MLXIP: variants seen among roughly 807,000 people sequenced by gnomAD.
MLXIP encodes MLX interacting protein.
MLXIP carries 30 observed loss-of-function variants against 87.2 expected under a neutral mutation model. The ratio of observed to expected loss-of-function variants is 0.34; its 90% CI spans 0.26 to 0.47. MLXIP has a LOEUF of 0.47. MLXIP is among the 20% of genes least tolerant of loss of function. MLXIP has a pLI of 1.00. For missense variants in MLXIP, 1,002 were observed against 1,240.1 expected (o/e 0.81, Z 2.88); for synonymous variants, 530 against 514.0 (o/e 1.03, Z -0.42).
At chr12:122,103,917 C>T (rs1952479815) in intron 1 of MLXIP, among the ~76,000 whole-genome samples, 1 of 151,588 alleles carries the variant, frequency 6.6e-6, no homozygotes, top group East Asian at 1.9e-4. Flanking sequence ...TCATGTGATC[C>T]TTCCGCCTTG....
intron 1 of MLXIP, among the ~76,000 whole-genome samples, chr12:122,101,637 G>C (rs1280685807): frequency 1.4e-5 from 2 of 140,170 alleles, no homozygotes; most frequent in African/African-American, 5.4e-5. Flanking sequence ...CTGGAGTGCA[G>C]TGGCGGGATC....
intron 1 of MLXIP, among the ~76,000 whole-genome samples, chr12:122,110,607 C>G (rs576880191): frequency 6.6e-6 from 1 of 151,422 alleles, no homozygotes; most frequent in South Asian, 2.1e-4. Context: ...TTATCTTTAC[C>G]AAAAAAATTA....
chr12:122,139,262 C>G (rs1953153709), intron 15 of MLXIP, among the ~76,000 whole-genome samples: 1 of 152,222 alleles, frequency 6.6e-6, no homozygotes, highest in Admixed American at 6.5e-5. Flanking sequence ...CATGGTTCCA[C>G]ACAGCCTGGC....
chr12:122,103,845 T>G (rs898887407), intron 1 of MLXIP, among the ~76,000 whole-genome samples: 16 of 150,320 alleles, frequency 1.1e-4, no homozygotes, highest in East Asian at 5.8e-4. Flanking sequence ...TGTTTGTTTT[T>G]TTTTTTTTTT....
At position 122,129,175 on chromosome 12, in the gene MLXIP, C is replaced by A; in HGVS notation, c.645C>A (p.Ile215=). 1.2e-6 allele frequency: 2 copies of A among 1,611,682 alleles called. No homozygotes were observed. Among genetic ancestry groups the A allele is most frequent in the Non-Finnish European group, 1.7e-6 (2 of 1,178,956 alleles). Residue 215 remains isoleucine (I), a synonymous_variant, in exon 4 of 17, where the codon ATC becomes ATA. Coordinates refer to ENST00000319080, the MANE Select transcript of MLXIP (RefSeq NM_014938.6). ...TTEGKYWKSR[I]EIVIREYHKW... ...AAGGGAAGTACTGGAAGAGCCGCAT[C>A]GAGATTGTGATCCGGGAGTATCACA... is the stretch of plus-strand genomic sequence containing the variant.
At chr12:122,085,086 G>A (rs756930771) in intron 1 of MLXIP, among the ~76,000 whole-genome samples, 1 of 152,070 alleles carries the variant, frequency 6.6e-6, no homozygotes, top group Non-Finnish European at 1.5e-5. Flanking sequence ...GCAAATGCCA[G>A]TTCCTCTCCA....
intron 1 of MLXIP, among the ~76,000 whole-genome samples, chr12:122,109,202 G>C (rs1300098429): frequency 1.3e-5 from 2 of 152,122 alleles, no homozygotes; most frequent in Non-Finnish European, 2.9e-5. Flanking sequence ...CAAAGTGCTG[G>C]GATTACAAGG....
intron 1 of MLXIP, among the ~76,000 whole-genome samples, chr12:122,081,241 C>T (rs1021810169): frequency 2.0e-5 from 3 of 152,198 alleles, no homozygotes; most frequent in Admixed American, 2.0e-4. Context: ...CTAAGGTCTC[C>T]TGCTGCCTAA....
At chr12:122,124,838 C>G (rs1479615258) in intron 1 of MLXIP, among the ~76,000 whole-genome samples, 5 of 152,156 alleles carry the variant, frequency 3.3e-5, no homozygotes, top group Admixed American at 3.3e-4. Flanking sequence ...CAAAACCAGC[C>G]TGACGAACGT....
intron 7 of MLXIP, 83 bp from the exon 8 acceptor site, chr12:122,132,209 A>G: frequency 9.3e-7 from 1 of 1,069,852 alleles, no homozygotes; most frequent in Non-Finnish European, 1.4e-6. Context: ...GGCATGAGCC[A>G]CCGTGCCTGG....
In MLXIP at chr12:122,137,154, TA is replaced by T; in HGVS notation, c.2033-309del. Reference sequence around the variant, plus strand: ...GGCTCTATAAAAAATGTTTTTTAATTAAAAAATATAATAATAATAAAGAGCC... The same window carrying T: ...GGCTCTATAAAAAATGTTTTTTAATTAAAAATATAATAATAATAAAGAGCC... On this transcript the variant is annotated intron_variant, in intron 11 of 16. Coordinates refer to ENST00000319080, the MANE Select transcript of MLXIP (RefSeq NM_014938.6). The surrounding 1 kb of genome is among the most constrained non-coding windows in gnomAD (Gnocchi z 4.1). 6.0e-6 allele frequency: 1 copy of T among 166,260 alleles called. No individual in the cohort carries two copies. Among genetic ancestry groups the T allele is most frequent in the South Asian group, 2.0e-4 (1 of 4,944 alleles). 10.3% of individuals were successfully genotyped at this position (166,260 alleles called of 1,614,324 possible).
intron 1 of MLXIP, among the ~76,000 whole-genome samples, chr12:122,110,313 G>A (rs2135940614): frequency 6.6e-6 from 1 of 152,070 alleles, no homozygotes; most frequent in African/African-American, 2.4e-5. Context: ...TTGAGACAGA[G>A]TTTTGCTCTT....
At chr12:122,085,564 C>T (rs961515679) in intron 1 of MLXIP, among the ~76,000 whole-genome samples, 5 of 152,002 alleles carry the variant, frequency 3.3e-5, no homozygotes, top group Non-Finnish European at 7.4e-5. Context: ...CCACCATGCC[C>T]GGCTAATTTT....
At chr12:122,114,935 T>TG (rs1157609304) in intron 1 of MLXIP, among the ~76,000 whole-genome samples, 2 of 151,584 alleles carry the variant, frequency 1.3e-5, no homozygotes, top group Non-Finnish European at 2.9e-5. Flanking sequence ...TTAGTAGAGA[T>TG]GGGGTTTCAT....
At chr12:122,122,699 G>A (rs1198005032) in intron 1 of MLXIP, among the ~76,000 whole-genome samples, 2 of 151,682 alleles carry the variant, frequency 1.3e-5, no homozygotes, top group African/African-American at 2.4e-5. Context: ...CCGCCACCAC[G>A]ACGCCTGGCT....
At chr12:122,130,790 C>A (rs1204617061) in intron 6 of MLXIP, 54 bp from the exon 7 acceptor site, 6 of 1,298,426 alleles carry the variant, frequency 4.6e-6, no homozygotes, top group Non-Finnish European at 6.7e-6. Context: ...TTTTTACGTT[C>A]CTGCAACATT....
At position 122,133,243 on chromosome 12, in the gene MLXIP, C is replaced by T; in HGVS notation, c.1093-105C>T. The T allele has an allele frequency of 2.9e-6, 4 of 1,362,932 alleles. No homozygotes were observed. In the South Asian group the frequency reaches 5.8e-5, roughly 20 times the overall value. The allele number at this position is 1,362,932 out of a possible 1,614,324, so 84.4% of individuals were successfully genotyped here. A position where few individuals can be genotyped will look rare whatever the true frequency, so the allele number is the denominator to read the frequency against. On this transcript the variant is annotated intron_variant, in intron 8 of 16. Transcript: ENST00000319080. The surrounding 1 kb of genome is among the most constrained non-coding windows in gnomAD (Gnocchi z 4.9). ...ACGTGGAGACGTGGCCTTTGTCCCTCTGTCCCAGCGCCCGGCCTGTGTAGT... is the reference window on the plus strand; with the variant it reads ...ACGTGGAGACGTGGCCTTTGTCCCTTTGTCCCAGCGCCCGGCCTGTGTAGT...
chr12:122,135,306 C>T lies in MLXIP; in HGVS notation c.1815C>T (p.Ser605=). 2 of 1,613,730 alleles carry T rather than the reference C, an allele frequency of 1.2e-6. No individual in the cohort carries two copies. The highest frequency in any genetic ancestry group is 1.7e-6 in the Non-Finnish European group (2 of 1,179,880). Residue 605 remains serine, a synonymous_variant, in exon 10 of 17, where the codon TCC becomes TCT. Transcript: ENST00000319080. The surrounding 1 kb of genome is among the most constrained non-coding windows in gnomAD (Gnocchi z 5.3). The stretch of plus-strand genomic sequence containing the variant: ...AAGGGATGTTGGCCTCCACCGTGTC[C>T]CAGTCCAACGTGGTCATTGCGCCTG... ...KREGMLASTV[S]QSNVVIAPAA...
At chr12:122,093,295 AGT>A (rs1250279889) in intron 1 of MLXIP, among the ~76,000 whole-genome samples, 1 of 120,276 alleles carries the variant, frequency 8.3e-6, no homozygotes, top group African/African-American at 3.3e-5. Context: ...GTCTGTATGT[AGT>A]GTGTGTGTGG....
Sources: allele counts gnomAD v4.1 joint callset (sites outside exome capture counted in the v4.1 genomes callset), GRCh38; gene constraint gnomAD v4.1.1; non-coding constraint Gnocchi (gnomAD v3.1); transcripts MANE v1.5; gene names NCBI Gene and HGNC (gene_info 2026-07-23, HGNC 2026-07-21).